CA10: variants seen among roughly 807,000 people sequenced by gnomAD.
The protein encoded by CA10 is carbonic anhydrase-related protein 10.
Under a neutral mutation model 44.2 loss-of-function variants are expected in CA10, and 14 were observed. That is an observed-to-expected ratio of 0.32 (90% CI 0.21 to 0.50). The LOEUF (loss-of-function observed/expected upper bound fraction) is 0.50, where lower values mean the gene tolerates loss of function less well. Among genes scored for constraint, CA10 ranks in the 20% least tolerant of loss-of-function variants. The pLI is 0.99. For synonymous variants in CA10, 159 were observed against 141.6 expected, an observed-to-expected ratio of 1.12 and a Z score of -0.87; for missense variants, 350 against 409.7, an observed-to-expected ratio of 0.85 and a Z score of 1.26.
At chr17:51,794,857 T>C (rs1434896057) in intron 3 of CA10, among the ~76,000 whole-genome samples, 1 of 152,216 alleles carries the variant, frequency 6.6e-6, no homozygotes, top group Admixed American at 6.5e-5. Flanking sequence ...TTGAGGATTT[T>C]CAAACATGTG....
intron 3 of CA10, among the ~76,000 whole-genome samples, chr17:51,782,365 A>G (rs1026052921): frequency 2.6e-5 from 4 of 152,254 alleles, no homozygotes; most frequent in African/African-American, 9.6e-5. Context: ...GTAATCACAG[A>G]TGACAAACCA....
intron 2 of CA10, among the ~76,000 whole-genome samples, chr17:51,938,643 C>T (rs554037662): frequency 6.6e-6 from 1 of 152,214 alleles, no homozygotes; most frequent in Admixed American, 6.5e-5. Context: ...TGTGCAGCAG[C>T]AGCTTCGTCC....
At chr17:51,666,218 T>C (rs1379181333) in intron 4 of CA10, among the ~76,000 whole-genome samples, 2 of 152,164 alleles carry the variant, frequency 1.3e-5, no homozygotes, top group Non-Finnish European at 2.9e-5. Context: ...GAGGCACATA[T>C]GCAAGTGTCC....
At chr17:51,738,979 A>C (rs1904353028) in intron 4 of CA10, among the ~76,000 whole-genome samples, 1 of 152,068 alleles carries the variant, frequency 6.6e-6, no homozygotes, top group African/African-American at 2.4e-5. Context: ...TCCTTTGTAC[A>C]CACAGGGGGT....
chr17:51,678,374 TA>T (rs1237494200), intron 4 of CA10, among the ~76,000 whole-genome samples: 1 of 152,124 alleles, frequency 6.6e-6, no homozygotes, highest in Non-Finnish European at 1.5e-5. Context: ...TAAAATTAAT[TA>T]AAAATATATA....
intron 3 of CA10, among the ~76,000 whole-genome samples, chr17:51,805,028 A>G (rs1354803079): frequency 6.6e-6 from 1 of 152,090 alleles, no homozygotes; most frequent in African/African-American, 2.4e-5. Flanking sequence ...CCTGAGTCTG[A>G]GGTCTTTCCA....
At chr17:51,748,122 C>G (rs570495771) in intron 3 of CA10, among the ~76,000 whole-genome samples, 1 of 152,226 alleles carries the variant, frequency 6.6e-6, no homozygotes, top group Non-Finnish European at 1.5e-5. Flanking sequence ...GTCCTTCTTA[C>G]TATAAGGATT....
chr17:51,655,870 G>T (rs1378845884), intron 4 of CA10, among the ~76,000 whole-genome samples: 1 of 152,222 alleles, frequency 6.6e-6, no homozygotes, highest in African/African-American at 2.4e-5. Flanking sequence ...AGTTTTGCCA[G>T]TGGAGATGGA....
intron 2 of CA10, among the ~76,000 whole-genome samples, chr17:52,048,505 A>G (rs1986975071): frequency 6.6e-6 from 1 of 152,052 alleles, no homozygotes; most frequent in South Asian, 2.1e-4. Context: ...TCTATCGTAA[A>G]GAGTACAAAG....
intron 2 of CA10, among the ~76,000 whole-genome samples, chr17:52,004,545 A>G (rs1985534858): frequency 6.6e-6 from 1 of 151,974 alleles, no homozygotes; most frequent in African/African-American, 2.4e-5. Flanking sequence ...AGAGATTTTT[A>G]GTACAGCCAT....
intron 4 of CA10, among the ~76,000 whole-genome samples, chr17:51,691,810 A>G (rs1915205163): frequency 6.6e-6 from 1 of 152,186 alleles, no homozygotes; most frequent in Non-Finnish European, 1.5e-5. Context: ...TCCCAACACC[A>G]TTTATTGAAG....
intron 3 of CA10, among the ~76,000 whole-genome samples, chr17:51,893,035 G>A (rs576229290): frequency 1.3e-5 from 2 of 152,178 alleles, no homozygotes; most frequent in East Asian, 3.9e-4. Context: ...CCTACTTTAT[G>A]CTTAATAAGT....
At chr17:52,009,955 T>G (rs1985728255) in intron 2 of CA10, among the ~76,000 whole-genome samples, 1 of 151,932 alleles carries the variant, frequency 6.6e-6, no homozygotes, top group Non-Finnish European at 1.5e-5. Flanking sequence ...GAATAGACTA[T>G]TCTCAAAATC....
At chr17:51,921,721 T>A (rs1266893701) in intron 3 of CA10, among the ~76,000 whole-genome samples, 1 of 152,192 alleles carries the variant, frequency 6.6e-6, no homozygotes, top group African/African-American at 2.4e-5. Context: ...ACTGAATTCA[T>A]CTCTTGGCAT....
At chr17:52,067,740 TAC>T (rs1987574314) in intron 2 of CA10, among the ~76,000 whole-genome samples, 1 of 152,222 alleles carries the variant, frequency 6.6e-6, no homozygotes. Context: ...CTGGATGTGA[TAC>T]ACAGAGTCAA....
At chr17:52,024,296 T>C (rs7503570) in intron 2 of CA10, among the ~76,000 whole-genome samples, 57,288 of 152,038 alleles carry the variant, frequency 0.38, 12,836 homozygotes, top group East Asian at 0.74. Context: ...ACACATAATA[T>C]ACTTATTTTT....
chr17:51,636,829 G>T (rs1344332287), intron 6 of CA10, among the ~76,000 whole-genome samples: 4 of 142,154 alleles, frequency 2.8e-5, no homozygotes, highest in South Asian at 2.3e-4. Flanking sequence ...CTCTCTCTCA[G>T]GTCTATGCAG....
Position 52,070,154 on chromosome 17 carries a change from A to G in CA10, c.136+2165T>C, listed in dbSNP as rs148095124. The stretch of plus-strand genomic sequence containing the variant: ...TAGAAAGTGGAATCATCAGATACCA[A>G]TCTTCTCTACCAGAAAGACAAAAGG... On this transcript the variant is annotated intron_variant, in intron 2 of 8. Coordinates refer to ENST00000451037, the MANE Select transcript of CA10 (RefSeq NM_020178.5). Among the ~76,000 whole-genome samples the G allele has an allele frequency of 6.6e-3, 1,008 of 152,284 alleles. 7 individuals carry two copies. The highest frequency in any genetic ancestry group is 0.023 in the African/African-American group (940 of 41,554).
chr17:51,907,679 A>G (rs1981616203), intron 3 of CA10, among the ~76,000 whole-genome samples: 1 of 151,704 alleles, frequency 6.6e-6, no homozygotes, highest in African/African-American at 2.4e-5. Context: ...TGACCTATAC[A>G]CCTGTCTAAA....
Sources: allele counts gnomAD v4.1 joint callset (sites outside exome capture counted in the v4.1 genomes callset), GRCh38; gene constraint gnomAD v4.1.1; transcripts MANE v1.5; gene names NCBI Gene and HGNC (gene_info 2026-07-23, HGNC 2026-07-21).